The following GXYLT1 variants were observed in gnomAD, a reference collection of about 807,000 sequenced individuals.
GXYLT1 encodes glucoside xylosyltransferase 1.
A neutral mutation model predicts 54.0 loss-of-function variants in GXYLT1; 29 were observed. That is an observed-to-expected ratio of 0.54 (90% confidence interval 0.40 to 0.73). GXYLT1 has a LOEUF of 0.73. Ranked by LOEUF, GXYLT1 falls within the 30% of genes least tolerant of loss-of-function variation. The probability of loss-of-function intolerance (pLI) is 0.00; values close to 1 mark genes in which losing one functional copy is unlikely to be tolerated. For missense variants in GXYLT1, 490 were observed against 553.4 expected (o/e 0.89, Z 1.15); for synonymous variants, 176 against 204.1 (o/e 0.86, Z 1.17).
In GXYLT1 at chr12:42,144,447, G is replaced by C; in HGVS notation, c.200C>G (p.Ala67Gly). 7.6e-7 allele frequency: 1 copy of C among 1,319,120 alleles called. No homozygotes were observed. 81.7% of individuals were successfully genotyped at this position (1,319,120 alleles called of 1,614,324 possible). The change falls in exon 1 of 8, where the codon GCG becomes GGG. Residue 67 changes from alanine (A) to glycine (G), a missense_variant. Around this residue, in one of 2 missense-constraint regions of GXYLT1, gnomAD observed 148 missense variants for 210.7 expected, o/e 0.70. Coordinates refer to ENST00000398675, the MANE Select transcript of GXYLT1 (RefSeq NM_173601.2). ...GTACCTGTCCGACACGCCGGGATGC[G>C]CTGCGGGGCCCGCGACGCCGGCGCC... ...VRGAGVAGPA[A>G]HPGVSDRCKD...
chr12:42,109,370 CAG>C (rs1007493967), intron 4 of GXYLT1, among the ~76,000 whole-genome samples, 194 bp downstream of exon 4: 8 of 152,048 alleles, frequency 5.3e-5, no homozygotes, highest in African/African-American at 9.7e-5. Flanking sequence ...TCATTCTTAA[CAG>C]GGGTTTTTAT....
intron 7 of GXYLT1, among the ~76,000 whole-genome samples, chr12:42,094,833 C>T (rs1250088915): frequency 6.6e-6 from 1 of 152,054 alleles, no homozygotes; most frequent in Non-Finnish European, 1.5e-5. Context: ...GAGGAGAGGG[C>T]AAGAAAGCCC....
intron 5 of GXYLT1, among the ~76,000 whole-genome samples, chr12:42,100,455 A>G (rs2065383473): frequency 6.6e-6 from 1 of 152,102 alleles, no homozygotes. Context: ...CTTTTGCCAT[A>G]GTTTGAGAAA....
intron 2 of GXYLT1, among the ~76,000 whole-genome samples, chr12:42,126,028 AAAAC>A (rs1287833854): frequency 1.3e-5 from 2 of 152,066 alleles, no homozygotes; most frequent in African/African-American, 2.4e-5. Context: ...CTATCTCAAA[AAAAC>A]AAACAAACCA....
chr12:42,127,518 A>G (rs1431450857), intron 2 of GXYLT1, among the ~76,000 whole-genome samples: 1 of 152,216 alleles, frequency 6.6e-6, no homozygotes. Flanking sequence ...AATACTTGGG[A>G]GCATTAGGAA....
rs372568843 is a variant in GXYLT1 at position 42,118,013 on chromosome 12, C to G, written c.486+987G>C. 3.9e-5 allele frequency among the ~76,000 whole-genome samples: 6 copies of G among 152,180 alleles called. No homozygotes were observed. The South Asian group carries it at 1.2e-3, about 32-fold the overall frequency. ...GTCATCATGGACCATGAAGCAGAAGCCTCATGTTAAAGATGGCTCAGCCAC... is the reference window on the plus strand; with the variant it reads ...GTCATCATGGACCATGAAGCAGAAGGCTCATGTTAAAGATGGCTCAGCCAC... On this transcript the variant is annotated intron_variant, in intron 3 of 7. Coordinates refer to ENST00000398675, the MANE Select transcript of GXYLT1 (RefSeq NM_173601.2).
chr12:42,116,812 T>C (rs1446840669), intron 3 of GXYLT1, among the ~76,000 whole-genome samples: 2 of 152,158 alleles, frequency 1.3e-5, no homozygotes, highest in Non-Finnish European at 2.9e-5. Context: ...CATGCTGCTA[T>C]AAAGACACAT....
chr12:42,135,529 AT>A (rs1201570308), intron 1 of GXYLT1, among the ~76,000 whole-genome samples: 2 of 152,226 alleles, frequency 1.3e-5, no homozygotes, highest in African/African-American at 4.8e-5. Flanking sequence ...TCAGAGCAGC[AT>A]TATTCATAAT....
intron 1 of GXYLT1, among the ~76,000 whole-genome samples, 199 bp downstream of exon 1, chr12:42,144,226 GA>G (rs1242148398): frequency 1.3e-5 from 2 of 152,218 alleles, no homozygotes; most frequent in Admixed American, 6.5e-5. Context: ...GATAAACACA[GA>G]AAGTGTAGGA....
At chr12:42,112,481 G>A (rs2065464361) in intron 3 of GXYLT1, among the ~76,000 whole-genome samples, 2 of 152,184 alleles carry the variant, frequency 1.3e-5, no homozygotes, top group Non-Finnish European at 2.9e-5. Flanking sequence ...AGGCATGAGA[G>A]CTATGTGACA....
intron 1 of GXYLT1, among the ~76,000 whole-genome samples, chr12:42,140,292 T>C (rs1481977402): frequency 1.4e-5 from 2 of 146,946 alleles, no homozygotes; most frequent in Admixed American, 6.8e-5. Context: ...GGAGCACATA[T>C]CTAAAACATA....
intron 2 of GXYLT1, among the ~76,000 whole-genome samples, chr12:42,127,390 T>C (rs2136913420): frequency 6.6e-6 from 1 of 152,280 alleles, no homozygotes; most frequent in Admixed American, 6.5e-5. Flanking sequence ...ATGGATGCAA[T>C]ATTACGGGTA....
At chr12:42,099,497 C>T (rs2065377271) in intron 5 of GXYLT1, among the ~76,000 whole-genome samples, 2 of 152,170 alleles carry the variant, frequency 1.3e-5, no homozygotes, top group African/African-American at 4.8e-5. Flanking sequence ...CTATTTCTTT[C>T]ATTTGTCTAA....
At chr12:42,104,497 T>C (rs866155356) in intron 5 of GXYLT1, among the ~76,000 whole-genome samples, 2 of 151,908 alleles carry the variant, frequency 1.3e-5, no homozygotes, top group Admixed American at 6.6e-5. Context: ...ATGCAATCAG[T>C]TGTGGGAGAC....
At chr12:42,132,567 A>T (rs2065598849) in intron 1 of GXYLT1, among the ~76,000 whole-genome samples, 3 of 152,178 alleles carry the variant, frequency 2.0e-5, no homozygotes, top group African/African-American at 7.2e-5. Context: ...ATCTTCCTAC[A>T]AATATTTGAC....
intron 1 of GXYLT1, among the ~76,000 whole-genome samples, chr12:42,142,191 T>C (rs2065655603): frequency 1.3e-5 from 2 of 152,204 alleles, no homozygotes; most frequent in Non-Finnish European, 2.9e-5. Flanking sequence ...TATCTTTCTT[T>C]ACAGAAAGAG....
chr12:42,139,597 G>T (rs1367530366), intron 1 of GXYLT1, among the ~76,000 whole-genome samples: 1 of 152,134 alleles, frequency 6.6e-6, no homozygotes, highest in Admixed American at 6.5e-5. Context: ...CCTTGACTTG[G>T]ATTTCTAGTC....
chr12:42,126,721 C>A lies in GXYLT1; in HGVS notation c.314+3038G>T, dbSNP rs929170710. 7.9e-5 allele frequency among the ~76,000 whole-genome samples: 12 copies of A among 151,920 alleles called. No homozygotes were observed. In the East Asian group the frequency reaches 2.3e-3, roughly 29 times the overall value. ...CAGCCTGAGCAACATGGTGAAACCC[C>A]CTCTCTACAAAAACAGCTGGGCGCA... On this transcript the variant is annotated intron_variant, in intron 2 of 7. Coordinates refer to ENST00000398675, the MANE Select transcript of GXYLT1 (RefSeq NM_173601.2).
intron 3 of GXYLT1, among the ~76,000 whole-genome samples, chr12:42,111,773 G>A (rs11181331): frequency 0.016 from 2,387 of 152,310 alleles, 65 homozygotes; most frequent in African/African-American, 0.054. Flanking sequence ...CTCTCTGACC[G>A]CTTTGAAGAG....
Sources: gnomAD v4.1 joint callset for allele counts (sites outside exome capture counted in the v4.1 genomes callset) on GRCh38, gnomAD v4.1.1 for gene constraint, gnomAD v4.1.1 regional missense constraint, MANE v1.5 for transcripts, NCBI Gene and HGNC (gene_info 2026-07-23, HGNC 2026-07-21) for gene names.